Variants in PTPRD observed in about 807,000 individuals in gnomAD.
PTPRD encodes the protein protein tyrosine phosphatase receptor type D.
PTPRD carries 34 observed loss-of-function variants against 214.5 expected under a neutral mutation model. The observed-to-expected ratio is 0.16, with a 90% CI of 0.12 to 0.21. The LOEUF is 0.21. PTPRD is among the 10% of genes least tolerant of loss of function. The pLI is 1.00. For missense variants in PTPRD, 2,545 were observed against 2,398.7 expected, an observed-to-expected ratio of 1.06 and a Z score of -1.27; for synonymous variants, 1,128 against 845.7, an observed-to-expected ratio of 1.33 and a Z score of -5.79.
chr9:8,843,747 C>T (rs1214450645), intron 11 of PTPRD, among the ~76,000 whole-genome samples: 1 of 152,110 alleles, frequency 6.6e-6, no homozygotes, highest in Admixed American at 6.5e-5. Flanking sequence ...ACTATGGGAT[C>T]TTCCTCCCTC....
In PTPRD at chr9:8,641,107, C is replaced by T. The variant is rs1007841057; in HGVS notation, c.65-4263G>A. 2.7e-5 allele frequency among the ~76,000 whole-genome samples: 4 copies of T among 148,520 alleles called. 1 individual carries two copies. The highest frequency in any genetic ancestry group is 6.6e-5 in the Admixed American group (1 of 15,206). On this transcript the variant is annotated intron_variant, in intron 12 of 45. Coordinates refer to ENST00000381196, the MANE Select transcript of PTPRD (RefSeq NM_002839.4). ...GTTTAATAAAAGGAACATGATGAATCGTCTGCCTTATTTTGTCATAGATAT... is the reference window on the plus strand; with the variant it reads ...GTTTAATAAAAGGAACATGATGAATTGTCTGCCTTATTTTGTCATAGATAT...
chr9:9,236,617 T>C (rs889114964), intron 9 of PTPRD, among the ~76,000 whole-genome samples: 19 of 114,212 alleles, frequency 1.7e-4, no homozygotes, highest in African/African-American at 6.8e-4. Context: ...GAATTATTTG[T>C]TTGAATTCAT....
At chr9:9,268,144 G>A (rs73390817) in intron 9 of PTPRD, among the ~76,000 whole-genome samples, 2,568 of 151,142 alleles carry the variant, frequency 0.017, 72 homozygotes, top group African/African-American at 0.059. Flanking sequence ...AAAAAAAGCT[G>A]TTACTAATAA....
Position 9,463,524 on chromosome 9 carries a change from G to C in PTPRD, c.-236-66042C>G, listed in dbSNP as rs377727982. ...GGAGACCAAAATATAACCAGAGTAT[G>C]TAATTAGAAGTTTAGAGTCACTTTC... is the stretch of plus-strand genomic sequence containing the variant. On this transcript the variant is annotated intron_variant, in intron 8 of 45. Transcript: ENST00000381196. 9.3e-4 allele frequency among the ~76,000 whole-genome samples: 142 copies of C among 152,194 alleles called. 1 individual carries two copies. Among genetic ancestry groups the C allele is most frequent in the African/African-American group, 3.3e-3 (137 of 41,540 alleles).
intron 8 of PTPRD, among the ~76,000 whole-genome samples, chr9:9,493,085 C>A (rs763915260): frequency 6.6e-6 from 1 of 151,082 alleles, no homozygotes; most frequent in Non-Finnish European, 1.5e-5. Flanking sequence ...AATCAATAAC[C>A]CTAAAAGGCC....
chr9:9,293,348 C>A (rs539831159), intron 9 of PTPRD, among the ~76,000 whole-genome samples: 10 of 149,624 alleles, frequency 6.7e-5, no homozygotes, highest in African/African-American at 2.2e-4. Context: ...TCAGTTCTCT[C>A]CTATATTCCT....
chr9:8,836,804 G>T (rs2154531430), intron 11 of PTPRD, among the ~76,000 whole-genome samples: 1 of 151,430 alleles, frequency 6.6e-6, no homozygotes, highest in African/African-American at 2.4e-5. Context: ...CACCATGTTG[G>T]CCAGGATGGT....
rs547462063 is a variant in PTPRD at position 8,385,277 on chromosome 9, A to C, written c.4386+3955T>G. ...CGGGCTGGCTCAAGCCTGCAGTCCA[A>C]ACACTTTGGGGGGCCAAGGTGGAAG... On this transcript the variant is annotated intron_variant, in intron 37 of 45. Coordinates refer to ENST00000381196, the MANE Select transcript of PTPRD (RefSeq NM_002839.4). 3.9e-5 allele frequency among the ~76,000 whole-genome samples: 6 copies of C among 152,274 alleles called. No homozygotes were observed. The South Asian group carries it at 1.2e-3, about 32-fold the overall frequency.
chr9:9,685,762 G>T (rs1225353503), intron 7 of PTPRD, among the ~76,000 whole-genome samples: 5 of 150,430 alleles, frequency 3.3e-5, no homozygotes, highest in Non-Finnish European at 5.9e-5. Context: ...AAATTTTATA[G>T]GCAGTTTCAG....
chr9:10,130,618 T>A (rs1460984310), intron 3 of PTPRD, among the ~76,000 whole-genome samples: 2 of 152,080 alleles, frequency 1.3e-5, no homozygotes, highest in Non-Finnish European at 2.9e-5. Context: ...AGCATACAGT[T>A]GCAAACTTTA....
chr9:9,777,973 A>T (rs537319490), intron 5 of PTPRD, among the ~76,000 whole-genome samples: 1 of 152,340 alleles, frequency 6.6e-6, no homozygotes, highest in Admixed American at 6.5e-5. Context: ...GACAAAGAGG[A>T]TATTCCAAGA....
At chr9:10,163,384 T>C (rs1419732707) in intron 3 of PTPRD, among the ~76,000 whole-genome samples, 5 of 151,366 alleles carry the variant, frequency 3.3e-5, no homozygotes, top group Non-Finnish European at 5.9e-5. Context: ...AAACCATCCT[T>C]TAACTGTTAT....
intron 3 of PTPRD, among the ~76,000 whole-genome samples, chr9:10,093,536 T>C (rs1248212566): frequency 1.3e-5 from 2 of 151,560 alleles, no homozygotes. Flanking sequence ...GAAAACTGTT[T>C]GGAGATTTCG....
intron 5 of PTPRD, among the ~76,000 whole-genome samples, chr9:9,787,001 G>A (rs1437993037): frequency 6.6e-6 from 1 of 151,976 alleles, no homozygotes; most frequent in Non-Finnish European, 1.5e-5. Context: ...AGCTTGTGTG[G>A]TGGTGTGCGC....
chr9:9,153,549 G>A (rs1296425422), intron 10 of PTPRD, among the ~76,000 whole-genome samples: 4 of 152,126 alleles, frequency 2.6e-5, no homozygotes, highest in Admixed American at 2.6e-4. Flanking sequence ...AGAAATTAAT[G>A]TCAATTTTGT....
chr9:10,575,716 G>C (rs1250664668), intron 2 of PTPRD, among the ~76,000 whole-genome samples: 1 of 152,046 alleles, frequency 6.6e-6, no homozygotes, highest in African/African-American at 2.4e-5. Flanking sequence ...AAAGAGACAG[G>C]TAGCATTGCT....
chr9:8,598,646 C>T (rs1469492465), intron 14 of PTPRD, among the ~76,000 whole-genome samples: 1 of 152,068 alleles, frequency 6.6e-6, no homozygotes, highest in Non-Finnish European at 1.5e-5. Context: ...GCAATTATTT[C>T]CAAAAACCAA....
At chr9:9,986,695 G>C (rs1319252406) in intron 4 of PTPRD, among the ~76,000 whole-genome samples, 1 of 152,028 alleles carries the variant, frequency 6.6e-6, no homozygotes, top group East Asian at 1.9e-4. Context: ...ATTCAACTGG[G>C]TTAACACATT....
intron 5 of PTPRD, among the ~76,000 whole-genome samples, chr9:9,835,686 A>G (rs958092470): frequency 6.6e-6 from 1 of 152,114 alleles, no homozygotes; most frequent in African/African-American, 2.4e-5. Context: ...CATTGTGACC[A>G]TACCAAAGTA....
Sources: allele counts gnomAD v4.1 joint callset (sites outside exome capture counted in the v4.1 genomes callset), GRCh38; gene constraint gnomAD v4.1.1; transcripts MANE v1.5; gene names NCBI Gene and HGNC (gene_info 2026-07-23, HGNC 2026-07-21).